Variants in EIF2B3 observed in about 807,000 individuals in gnomAD.
EIF2B3 encodes translation initiation factor eIF2B subunit gamma.
Under a neutral mutation model 54.1 loss-of-function variants are expected in EIF2B3, and 20 were observed. That is an observed-to-expected ratio of 0.37 (90% CI 0.26 to 0.54). The LOEUF is 0.54. EIF2B3 is among the 20% of genes least tolerant of loss of function. The pLI, the probability that EIF2B3 is intolerant of heterozygous loss-of-function variation, is 0.86. For missense variants in EIF2B3, 448 were observed against 547.8 expected, an observed-to-expected ratio of 0.82 and a Z score of 1.82; for synonymous variants, 153 against 188.1, an observed-to-expected ratio of 0.81 and a Z score of 1.52.
At chr1:44,941,423 A>G in intron 4 of EIF2B3, 83 bp downstream of exon 4, 2 of 1,475,502 alleles carry the variant, frequency 1.4e-6, no homozygotes, top group Non-Finnish European at 1.8e-6. Flanking sequence ...TAGATTCTTA[A>G]TAAATGTTTT....
At chr1:44,901,515 C>T (rs895931473) in intron 5 of EIF2B3, among the ~76,000 whole-genome samples, 7 of 150,066 alleles carry the variant, frequency 4.7e-5, no homozygotes, top group African/African-American at 1.5e-4. Context: ...ACTCCCAAAG[C>T]GCTGGGATGA....
intron 5 of EIF2B3, among the ~76,000 whole-genome samples, chr1:44,920,688 G>C (rs1643721451): frequency 6.6e-6 from 1 of 152,104 alleles, no homozygotes; most frequent in Non-Finnish European, 1.5e-5. Flanking sequence ...ATGACCTCCA[G>C]TTCCATCCAT....
intron 6 of EIF2B3, among the ~76,000 whole-genome samples, chr1:44,891,093 T>A (rs1655783927): frequency 6.6e-6 from 1 of 152,120 alleles, no homozygotes; most frequent in Admixed American, 6.5e-5. Context: ...AAAGAGACTT[T>A]TTTTAAATTT....
At chr1:44,867,867 T>TA (rs768045271) in intron 10 of EIF2B3, among the ~76,000 whole-genome samples, 1,566 of 99,436 alleles carry the variant, frequency 0.016, 48 homozygotes, top group Admixed American at 0.098. Context: ...ATTCTGTCTC[T>TA]AAAAAAAAAA....
At chr1:44,873,980 A>T (rs1027755563) in intron 10 of EIF2B3, among the ~76,000 whole-genome samples, 2 of 149,990 alleles carry the variant, frequency 1.3e-5, no homozygotes, top group African/African-American at 2.5e-5. Flanking sequence ...ATTTTTTAAA[A>T]TTTTTTTGAA....
chr1:44,870,860 C>T (rs1654942814), intron 10 of EIF2B3, among the ~76,000 whole-genome samples: 1 of 151,966 alleles, frequency 6.6e-6, no homozygotes, highest in African/African-American at 2.4e-5. Context: ...GCCATGTTGC[C>T]CAGGCTGGTC....
intron 3 of EIF2B3, among the ~76,000 whole-genome samples, chr1:44,946,513 C>T (rs184226343): frequency 6.7e-6 from 1 of 149,242 alleles, no homozygotes; most frequent in Non-Finnish European, 1.5e-5. Context: ...TCATAGCTCA[C>T]TGTAACCTCA....
chr1:44,903,931 G>A (rs961631621), intron 5 of EIF2B3, among the ~76,000 whole-genome samples: 1 of 152,124 alleles, frequency 6.6e-6, no homozygotes, highest in Non-Finnish European at 1.5e-5. Context: ...AAAAAAATTA[G>A]CCAGGTGTGG....
rs372716208 is a variant in EIF2B3 at position 44,942,835 on chromosome 1, ATTTAT to A, written c.295-1175_295-1171del. ...ATTGTGATAACACTTTGCAAACATTATTTATTTTATTTTATTTTATTTTATTTATT... is the reference window on the plus strand; with the variant it reads ...ATTGTGATAACACTTTGCAAACATTATTTATTTTATTTTATTTTATTTATT... On this transcript the variant is annotated intron_variant, in intron 3 of 11. Transcript: ENST00000360403. Among the ~76,000 whole-genome samples the A allele has an allele frequency of 8.5e-3, 1,284 of 151,806 alleles. 4 individuals are homozygous for A. Among genetic ancestry groups the A allele is most frequent in the East Asian group, 0.011 (56 of 5,168 alleles).
intron 5 of EIF2B3, among the ~76,000 whole-genome samples, chr1:44,923,570 A>G (rs554323688): frequency 2.5e-4 from 38 of 152,140 alleles, no homozygotes; most frequent in South Asian, 1.9e-3. Flanking sequence ...TTTACTGGGA[A>G]CTCAGTTTCC....
chr1:44,926,190 T>C lies in EIF2B3; in HGVS notation c.566+438A>G, dbSNP rs192840857. 3.6e-3 allele frequency among the ~76,000 whole-genome samples: 542 copies of C among 152,278 alleles called. 2 individuals are homozygous for C. Among genetic ancestry groups the C allele is most frequent in the African/African-American group, 0.012 (516 of 41,564 alleles). ...TCGCAGTGAGCCAAGATTGCACCAC[T>C]GTACTCCAGCCTGGGTGACAGAGTG... On this transcript the variant is annotated intron_variant, in intron 5 of 11. Coordinates refer to ENST00000360403, the MANE Select transcript of EIF2B3 (RefSeq NM_020365.5).
At chr1:44,906,397 A>G (rs902249386) in intron 5 of EIF2B3, among the ~76,000 whole-genome samples, 1 of 152,196 alleles carries the variant, frequency 6.6e-6, no homozygotes, top group African/African-American at 2.4e-5. Flanking sequence ...CAGCTTCTGC[A>G]TGGCTAGAGT....
intron 11 of EIF2B3, among the ~76,000 whole-genome samples, chr1:44,854,800 GCTGGTCTCGAA>G (rs1654387662): frequency 1.3e-5 from 2 of 151,750 alleles, no homozygotes; most frequent in Non-Finnish European, 2.9e-5. Flanking sequence ...TGTTGGTCAG[GCTGGTCTCGAA>G]CTCTTGACCA....
intron 3 of EIF2B3, among the ~76,000 whole-genome samples, chr1:44,955,532 A>C (rs925420789): frequency 7.9e-5 from 12 of 152,196 alleles, no homozygotes; most frequent in Non-Finnish European, 1.5e-4. Flanking sequence ...AATTAAACTA[A>C]AGAGCTTCTG....
chr1:44,952,511 T>C (rs961841198), intron 3 of EIF2B3, among the ~76,000 whole-genome samples: 5 of 152,050 alleles, frequency 3.3e-5, no homozygotes, highest in Non-Finnish European at 7.4e-5. Context: ...ATGCATTACA[T>C]ATTATACATT....
In EIF2B3 at chr1:44,941,611, C is replaced by T. The variant is rs1557696437; in HGVS notation, c.349G>A (p.Val117Ile). The change falls in exon 4 of 12, where the codon GTT becomes ATT. Residue 117 changes from valine (V) to isoleucine (I), a missense_variant. This residue lies in a region of EIF2B3 where 350 missense variants were observed against 414.2 expected (regional missense o/e 0.85). Coordinates refer to ENST00000360403, the MANE Select transcript of EIF2B3 (RefSeq NM_020365.5). Reference sequence around the variant, plus strand: ...TCATAAGCTCTAAACAGGTCCACAACCTCATGTAAGGCAACGTCTGTTATC... The same window carrying T: ...TCATAAGCTCTAAACAGGTCCACAATCTCATGTAAGGCAACGTCTGTTATC... ...DLITDVALHEVVDLFRAYDAS... is the reference protein window; with the variant it reads ...DLITDVALHEIVDLFRAYDAS... 1.9e-6 allele frequency: 3 copies of T among 1,614,118 alleles called. No individual in the cohort carries two copies. Among genetic ancestry groups the T allele is most frequent in the Non-Finnish European group, 2.5e-6 (3 of 1,180,032 alleles).
intron 2 of EIF2B3, among the ~76,000 whole-genome samples, chr1:44,979,627 C>T (rs973600096): frequency 6.6e-6 from 1 of 151,794 alleles, no homozygotes; most frequent in Non-Finnish European, 1.5e-5. Flanking sequence ...CACTGTACTC[C>T]AGCCTTGGAC....
intron 6 of EIF2B3, among the ~76,000 whole-genome samples, chr1:44,885,312 T>C (rs1655539702): frequency 6.6e-6 from 1 of 152,146 alleles, no homozygotes; most frequent in Non-Finnish European, 1.5e-5. Flanking sequence ...AGATATGTGT[T>C]AAAAAAACAT....
chr1:44,894,709 T>C (rs191811737), intron 6 of EIF2B3, among the ~76,000 whole-genome samples: 13 of 152,320 alleles, frequency 8.5e-5, no homozygotes, highest in Non-Finnish European at 5.9e-5. Context: ...CTAGGTTTAC[T>C]CTTTCCTTTC....
Sources: gnomAD v4.1 joint callset for allele counts (sites outside exome capture counted in the v4.1 genomes callset) on GRCh38, gnomAD v4.1.1 for gene constraint, gnomAD v4.1.1 regional missense constraint, MANE v1.5 for transcripts, NCBI Gene and HGNC (gene_info 2026-07-23, HGNC 2026-07-21) for gene names.